PDE7A: variants seen among roughly 807,000 people sequenced by gnomAD.
The protein encoded by PDE7A is phosphodiesterase 7A, also known as high affinity 3',5'-cyclic-AMP phosphodiesterase 7A.
PDE7A carries 39 observed loss-of-function variants against 64.3 expected under a neutral mutation model. The observed-to-expected ratio is 0.61, with a 90% CI of 0.47 to 0.79. The LOEUF is 0.79. Ranked by LOEUF, PDE7A falls within the 30% of genes least tolerant of loss-of-function variation. The pLI, the probability that PDE7A is intolerant of heterozygous loss-of-function variation, is 0.00. For missense variants in PDE7A, 470 were observed against 582.8 expected (o/e 0.81, Z 1.99); for synonymous variants, 203 against 206.8 (o/e 0.98, Z 0.16).
At chr8:65,725,563 C>T (rs1330340453) in intron 9 of PDE7A, 1 of 153,288 alleles carries the variant, frequency 6.5e-6, no homozygotes, top group African/African-American at 2.4e-5. Flanking sequence ...ATAAAACTGC[C>T]TCAGATCAAT....
rs1389515014 is a variant in PDE7A at position 65,716,521 on chromosome 8, A to T, written c.*2769T>A. On this transcript the variant is annotated 3_prime_UTR_variant, in exon 13 of 13. Transcript: ENST00000401827. Reference sequence around the variant, plus strand: ...TGGTCCACAAACATGAATATCACAGAAGACATGGGTCTTCTGTGCACCCAA... The same window carrying T: ...TGGTCCACAAACATGAATATCACAGTAGACATGGGTCTTCTGTGCACCCAA... Among the ~76,000 whole-genome samples, 5 of 152,196 alleles carry T rather than the reference A, an allele frequency of 3.3e-5. No individual in the cohort carries two copies. In the East Asian group the frequency reaches 9.7e-4, roughly 29 times the overall value.
At chr8:65,724,648 T>C (rs909911165) in intron 10 of PDE7A, 129 bp downstream of exon 10, 46 of 786,098 alleles carry the variant, frequency 5.9e-5, no homozygotes, top group Non-Finnish European at 8.4e-5. Flanking sequence ...TGTGCGCTAA[T>C]TGAAGGAAAT....
Position 65,841,946 on chromosome 8 carries a change from G to T in PDE7A, c.-438C>A. On this transcript the variant is annotated 5_prime_UTR_variant, in exon 1 of 13. Coordinates refer to ENST00000401827, the MANE Select transcript of PDE7A (RefSeq NM_001242318.3). ...CAGACCCAGGGCGCGCGGGACTCAG[G>T]AGCAGCGACCAGCTCGGGCCGCCGC... The T allele has an allele frequency of 4.1e-6, 1 of 244,382 alleles. No homozygotes were observed. Among genetic ancestry groups the T allele is most frequent in the South Asian group, 4.3e-5 (1 of 23,262 alleles). The allele number at this position is 244,382 out of a possible 1,614,324, so 15.1% of individuals were successfully genotyped here.
chr8:65,774,488 CT>C (rs1809201414), intron 3 of PDE7A, among the ~76,000 whole-genome samples: 1 of 152,046 alleles, frequency 6.6e-6, no homozygotes. Flanking sequence ...TCTTACACAA[CT>C]TTCTCTAACA....
At position 65,714,731 on chromosome 8, in the gene PDE7A, C is replaced by T. The variant is rs1806066854; in HGVS notation, c.*4559G>A. ...TAAAATATTTATACATGCTTGAAAA[C>T]ACTGGAAATACCTGATGTGAGAGTT... On this transcript the variant is annotated 3_prime_UTR_variant, in exon 13 of 13. Transcript: ENST00000401827. 1 of 152,070 alleles carries T rather than the reference C, an allele frequency of 6.6e-6. No individual in the cohort carries two copies. Among genetic ancestry groups the T allele is most frequent in the African/African-American group, 2.4e-5 (1 of 41,382 alleles). The allele number at this position is 152,070 out of a possible 1,614,324, so 9.4% of individuals were successfully genotyped here.
chr8:65,772,771 A>G (rs1809144041), intron 3 of PDE7A, among the ~76,000 whole-genome samples: 1 of 152,220 alleles, frequency 6.6e-6, no homozygotes, highest in African/African-American at 2.4e-5. Context: ...TGGGAGGCCA[A>G]GGCAGGCAGA....
chr8:65,732,448 A>G (rs897749118), intron 7 of PDE7A, among the ~76,000 whole-genome samples: 7 of 152,238 alleles, frequency 4.6e-5, no homozygotes, highest in African/African-American at 1.7e-4. Context: ...GGCATGTGGC[A>G]GATGCTCAAA....
intron 12 of PDE7A, 30 bp from the exon 13 acceptor site, chr8:65,719,525 C>T (rs1806287672): frequency 1.4e-6 from 2 of 1,394,162 alleles, no homozygotes; most frequent in African/African-American, 2.8e-5. Context: ...AAGTTATTAA[C>T]ATATATGCTG....
At chr8:65,760,821 T>C (rs1051502913) in intron 3 of PDE7A, among the ~76,000 whole-genome samples, 5 of 152,028 alleles carry the variant, frequency 3.3e-5, no homozygotes, top group Non-Finnish European at 7.4e-5. Context: ...TACACCCAGG[T>C]GTTCTGTCAG....
intron 11 of PDE7A, among the ~76,000 whole-genome samples, chr8:65,723,923 C>T (rs1003786682): frequency 3.3e-5 from 5 of 152,088 alleles, no homozygotes; most frequent in African/African-American, 9.7e-5. Flanking sequence ...TTTTAAATTA[C>T]ACACACAAAA....
At chr8:65,839,376 G>T (rs1811023529) in intron 1 of PDE7A, among the ~76,000 whole-genome samples, 2 of 151,356 alleles carry the variant, frequency 1.3e-5, no homozygotes, top group Non-Finnish European at 2.9e-5. Context: ...GTTCTGAGCA[G>T]GATTCCAAGG....
chr8:65,814,979 G>T (rs1226533581), intron 1 of PDE7A, among the ~76,000 whole-genome samples: 2 of 152,058 alleles, frequency 1.3e-5, no homozygotes, highest in Admixed American at 1.3e-4. Flanking sequence ...TACTCGGGAG[G>T]CTGAGGCAGG....
At chr8:65,818,758 C>T (rs1276861762) in intron 1 of PDE7A, among the ~76,000 whole-genome samples, 2 of 152,230 alleles carry the variant, frequency 1.3e-5, no homozygotes, top group African/African-American at 4.8e-5. Context: ...CATGCACAGC[C>T]TCATCCAGGA....
intron 3 of PDE7A, among the ~76,000 whole-genome samples, chr8:65,771,826 G>A (rs1274625935): frequency 1.5e-5 from 2 of 135,902 alleles, no homozygotes; most frequent in African/African-American, 5.7e-5. Flanking sequence ...AGTGAGCCAC[G>A]ATTGAGCCAC....
intron 1 of PDE7A, among the ~76,000 whole-genome samples, chr8:65,799,012 T>C (rs1809925893): frequency 6.6e-6 from 1 of 152,118 alleles, no homozygotes; most frequent in Non-Finnish European, 1.5e-5. Context: ...TACTCTATGA[T>C]TCCATTTATA....
intron 1 of PDE7A, among the ~76,000 whole-genome samples, chr8:65,841,025 C>T (rs1435839050): frequency 2.0e-5 from 3 of 152,168 alleles, no homozygotes; most frequent in Non-Finnish European, 4.4e-5. Context: ...CACAGGTGTA[C>T]CCTGGGGCCA....
At chr8:65,822,781 T>C (rs1313964756) in intron 1 of PDE7A, among the ~76,000 whole-genome samples, 1 of 152,102 alleles carries the variant, frequency 6.6e-6, no homozygotes, top group African/African-American at 2.4e-5. Context: ...ATGAGTGAAC[T>C]TCAAGAACCC....
chr8:65,734,746 A>G, intron 7 of PDE7A, 48 bp downstream of exon 7: 1 of 1,056,316 alleles, frequency 9.5e-7, no homozygotes. Context: ...AGTAAATCAA[A>G]AGGAATTTTC....
chr8:65,789,152 A>T, intron 1 of PDE7A: 1 of 951,988 alleles, frequency 1.1e-6, no homozygotes, highest in Non-Finnish European at 1.4e-6. Flanking sequence ...CGCATGCTTC[A>T]TGCCACAACC....
Sources: allele counts gnomAD v4.1 joint callset (sites outside exome capture counted in the v4.1 genomes callset), GRCh38; gene constraint gnomAD v4.1.1; transcripts MANE v1.5; gene names NCBI Gene and HGNC (gene_info 2026-07-23, HGNC 2026-07-21).